MEF2C: variants seen among roughly 807,000 people sequenced by gnomAD.
MEF2C encodes the protein myocyte enhancer factor 2C, also known as myocyte-specific enhancer factor 2C.
MEF2C carries 6 observed loss-of-function variants against 50.5 expected under a neutral mutation model. The ratio of observed to expected loss-of-function variants is 0.12; its 90% CI spans 0.07 to 0.23. MEF2C has a LOEUF of 0.23. Among genes scored for constraint, MEF2C ranks in the 10% least tolerant of loss-of-function variants. MEF2C has a pLI of 1.00. For missense variants in MEF2C, 276 were observed against 605.0 expected (o/e 0.46, Z 5.70); for synonymous variants, 183 against 228.0 (o/e 0.80, Z 1.78).
chr5:88,843,209 C>CTTT (rs11417217), intron 1 of MEF2C: 91 of 364,612 alleles, frequency 2.5e-4, no homozygotes, highest in Non-Finnish European at 3.2e-4. Flanking sequence ...ATTTTGCTTG[C>CTTT]TTTTTTTTTT....
chr5:88,886,137 G>A (rs1211231749), upstream of MEF2C, among the ~76,000 whole-genome samples: 2 of 152,104 alleles, frequency 1.3e-5, no homozygotes, highest in African/African-American at 2.4e-5. Flanking sequence ...TGTGACCTAA[G>A]TTAATATTAC....
intron 1 of MEF2C, among the ~76,000 whole-genome samples, chr5:88,851,233 CAAAAAAAAA>C (rs35458971): frequency 9.4e-6 from 1 of 106,850 alleles, no homozygotes; most frequent in Non-Finnish European, 1.8e-5. Flanking sequence ...CTCCATCTCA[CAAAAAAAAA>C]AAAAAAAAAA....
intron 1 of MEF2C, among the ~76,000 whole-genome samples, chr5:88,854,073 C>T (rs1822363425): frequency 6.6e-6 from 1 of 152,122 alleles, no homozygotes; most frequent in African/African-American, 2.4e-5. Flanking sequence ...CTATTACCTG[C>T]ATGTAAAATG....
At position 88,772,714 on chromosome 5, in the gene MEF2C, T is replaced by C. The variant is rs992227599; in HGVS notation, c.259-11386A>G. ...GACATTCAAATCTTTTTAAAATTGA[T>C]TTCTCCCTCTTCCTAATAAACCAGC... On this transcript the variant is annotated intron_variant, in intron 3 of 10. Coordinates refer to ENST00000504921, the MANE Select transcript of MEF2C (RefSeq NM_002397.5). 5.1e-6 allele frequency: 5 copies of C among 984,590 alleles called. No individual in the cohort carries two copies. The African/African-American group carries it at 8.7e-5, about 17-fold the overall frequency. 61.0% of individuals were successfully genotyped at this position (984,590 alleles called of 1,614,324 possible). A position where few individuals can be genotyped will look rare whatever the true frequency, so the allele number is the denominator to read the frequency against.
rs750289497 is a variant in MEF2C at position 88,823,925 on chromosome 5, T to C, written c.-137A>G. 2.3e-5 allele frequency: 33 copies of C among 1,454,548 alleles called. No homozygotes were observed. The highest frequency in any genetic ancestry group is 2.8e-5 in the Non-Finnish European group (31 of 1,101,782). 90.1% of individuals were successfully genotyped at this position (1,454,548 alleles called of 1,614,324 possible). A position where few individuals can be genotyped will look rare whatever the true frequency, so the allele number is the denominator to read the frequency against. On this transcript the variant is annotated 5_prime_UTR_variant, in exon 2 of 11. Coordinates refer to ENST00000504921, the MANE Select transcript of MEF2C (RefSeq NM_002397.5). ...CTCAGTTCCCAAATTCCTGCATTCG[T>C]TCCTGCTGAACAAAAAAGAAAAATT...
chr5:88,873,106 A>G (rs763025446), intron 1 of MEF2C, among the ~76,000 whole-genome samples: 9 of 151,876 alleles, frequency 5.9e-5, no homozygotes, highest in Non-Finnish European at 1.3e-4. Context: ...CACTTACTTC[A>G]TAGAGCAACC....
intron 3 of MEF2C, among the ~76,000 whole-genome samples, chr5:88,788,451 C>G (rs1328412772): frequency 6.6e-6 from 1 of 151,740 alleles, no homozygotes; most frequent in Non-Finnish European, 1.5e-5. Flanking sequence ...TTCAAATGAT[C>G]CGCCTGCCTC....
intron 1 of MEF2C, among the ~76,000 whole-genome samples, chr5:88,856,195 G>A (rs1421562321): frequency 1.3e-5 from 2 of 152,218 alleles, no homozygotes; most frequent in Admixed American, 6.5e-5. Flanking sequence ...CTAGAGATCT[G>A]TGGAACTTTG....
chr5:88,851,188 G>T (rs548632969), intron 1 of MEF2C, among the ~76,000 whole-genome samples: 1 of 143,142 alleles, frequency 7.0e-6, no homozygotes, highest in Non-Finnish European at 1.5e-5. Context: ...AGCCGAGATC[G>T]CGCAACTGCA....
chr5:88,852,893 G>A (rs2362111), intron 1 of MEF2C, among the ~76,000 whole-genome samples: 3 of 151,352 alleles, frequency 2.0e-5, no homozygotes, highest in Non-Finnish European at 4.4e-5. Flanking sequence ...CCAGCCTGGG[G>A]GACAGGGCAA....
chr5:88,758,369 C>CA (rs1352177571), intron 4 of MEF2C, among the ~76,000 whole-genome samples: 2 of 152,106 alleles, frequency 1.3e-5, no homozygotes, highest in African/African-American at 4.8e-5. Context: ...TGAAGCCCAG[C>CA]ATGAACCATG....
chr5:88,848,411 C>A (rs1210389636), intron 1 of MEF2C, among the ~76,000 whole-genome samples: 4 of 152,034 alleles, frequency 2.6e-5, no homozygotes, highest in Non-Finnish European at 5.9e-5. Flanking sequence ...AAAATTACAT[C>A]CTTAAGGTAA....
chr5:88,838,778 A>G (rs1816158876), intron 1 of MEF2C: 1 of 960,072 alleles, frequency 1.0e-6, no homozygotes, highest in African/African-American at 1.8e-5. Context: ...TATCTCCTCA[A>G]ATTATGGTCT....
intron 3 of MEF2C, among the ~76,000 whole-genome samples, chr5:88,785,754 C>A (rs1254802090): frequency 9.7e-6 from 1 of 103,234 alleles, no homozygotes; most frequent in African/African-American, 2.7e-5. Context: ...ATTTTTAAGA[C>A]CTTAGGAAAG....
At chr5:88,780,867 T>C (rs1180161090) in intron 3 of MEF2C, 2 of 985,188 alleles carry the variant, frequency 2.0e-6, no homozygotes, top group Non-Finnish European at 2.4e-6. Context: ...ATCTCTCTCG[T>C]TCTTTCACTT....
intron 1 of MEF2C, among the ~76,000 whole-genome samples, chr5:88,864,514 G>C (rs1001408025): frequency 7.3e-5 from 11 of 150,924 alleles, no homozygotes; most frequent in African/African-American, 2.7e-4. Flanking sequence ...TTTGTAATAT[G>C]TGTATTTACA....
At chr5:88,794,502 T>C (rs1215621827) in intron 3 of MEF2C, among the ~76,000 whole-genome samples, 2 of 152,238 alleles carry the variant, frequency 1.3e-5, no homozygotes, top group African/African-American at 4.8e-5. Flanking sequence ...GTTTTTTTCC[T>C]GTAAATCTGT....
At chr5:88,792,628 C>T (rs1406191233) in intron 3 of MEF2C, among the ~76,000 whole-genome samples, 1 of 152,194 alleles carries the variant, frequency 6.6e-6, no homozygotes, top group African/African-American at 2.4e-5. Flanking sequence ...TGTTGTATAT[C>T]TTCCCTGTTT....
Position 88,797,455 on chromosome 5 carries a change from C to CTT in MEF2C, c.258+7141_258+7142dup, listed in dbSNP as rs879036291. Among the ~76,000 whole-genome samples, 43 of 63,282 alleles carry CTT rather than the reference C, an allele frequency of 6.8e-4. 4 individuals carry two copies. The highest frequency in any genetic ancestry group is 1.7e-3 in the African/African-American group (22 of 12,970). 41.5% of individuals were successfully genotyped at this position (63,282 alleles called of 152,430 possible). On this transcript the variant is annotated intron_variant, in intron 3 of 10. Coordinates refer to ENST00000504921, the MANE Select transcript of MEF2C (RefSeq NM_002397.5). ...CACAGACTAGGATTGCAACCCTTGC[C>CTT]TTTTTTTTTTTTTTTTTTTTTTTTT... is the stretch of plus-strand genomic sequence containing the variant.
Sources: gnomAD v4.1 joint callset for allele counts (sites outside exome capture counted in the v4.1 genomes callset) on GRCh38, gnomAD v4.1.1 for gene constraint, MANE v1.5 for transcripts, NCBI Gene and HGNC (gene_info 2026-07-23, HGNC 2026-07-21) for gene names.